The following DPP10 variants were observed in gnomAD, a reference collection of about 807,000 sequenced individuals.
DPP10 encodes inactive dipeptidyl peptidase 10.
DPP10 carries 33 observed loss-of-function variants against 120.9 expected under a neutral mutation model. The observed-to-expected ratio is 0.27, with a 90% confidence interval of 0.21 to 0.37. The LOEUF (loss-of-function observed/expected upper bound fraction) is 0.37, where lower values mean the gene tolerates loss of function less well. Ranked by LOEUF, DPP10 falls within the 10% of genes least tolerant of loss-of-function variation. DPP10 has a pLI of 1.00. For missense variants in DPP10, 816 were observed against 942.8 expected (o/e 0.87, Z 1.76); for synonymous variants, 337 against 326.1 (o/e 1.03, Z -0.36).
At position 114,532,256 on chromosome 2, in the gene DPP10, CATATATATATATAT is replaced by C. The variant is rs66716319; in HGVS notation, c.60+89446_60+89459del. Among the ~76,000 whole-genome samples, 213 of 86,294 alleles carry C rather than the reference CATATATATATATAT, an allele frequency of 2.5e-3. 2 individuals are homozygous for C. Among genetic ancestry groups the C allele is most frequent in the Middle Eastern group, 0.011 (2 of 180 alleles). The allele number at this position is 86,294 out of a possible 152,430, so 56.6% of individuals were successfully genotyped here. A position where few individuals can be genotyped will look rare whatever the true frequency, so the allele number is the denominator to read the frequency against. On this transcript the variant is annotated intron_variant, in intron 1 of 25. Transcript: ENST00000410059. The stretch of plus-strand genomic sequence containing the variant: ...CGAGCCAATTCCCATAATAAATCTC[CATATATATATATAT>C]ATATATATATATATATATATATATA...
chr2:114,573,891 T>C (rs1393498905), intron 1 of DPP10, among the ~76,000 whole-genome samples: 2 of 152,158 alleles, frequency 1.3e-5, no homozygotes, highest in Non-Finnish European at 1.5e-5. Context: ...GCAAACAAAG[T>C]GGCTGAAAAC....
intron 3 of DPP10, among the ~76,000 whole-genome samples, chr2:115,402,854 A>AAAATATATATATAT (rs1476901026): frequency 2.0e-5 from 2 of 97,638 alleles, no homozygotes; most frequent in East Asian, 3.2e-4. Flanking sequence ...AAAAAAAAAA[A>AAAATATATATATAT]ATATATATAT....
chr2:114,961,451 G>A (rs904162997), intron 1 of DPP10, among the ~76,000 whole-genome samples: 3 of 64,096 alleles, frequency 4.7e-5, no homozygotes, highest in East Asian at 3.7e-4. Flanking sequence ...TTGAATGCGT[G>A]TGTGTGTGTG....
At chr2:115,375,127 C>T (rs2065692360) in intron 3 of DPP10, among the ~76,000 whole-genome samples, 1 of 152,138 alleles carries the variant, frequency 6.6e-6, no homozygotes, top group African/African-American at 2.4e-5. Flanking sequence ...GCTCTTTTTC[C>T]CTTTTAAACA....
In DPP10 at chr2:114,693,907, G is replaced by A. The variant is rs1699915796; in HGVS notation, c.60+251069G>A. 2.0e-5 allele frequency among the ~76,000 whole-genome samples: 3 copies of A among 151,858 alleles called. No individual in the cohort carries two copies. The South Asian group carries it at 6.2e-4, about 31-fold the overall frequency. The stretch of plus-strand genomic sequence containing the variant: ...GTATTTTAACAAAATTTAAAGGGAT[G>A]TACCACACTGTTTACAATTACTGTG... On this transcript the variant is annotated intron_variant, in intron 1 of 25. Coordinates refer to ENST00000410059, the MANE Select transcript of DPP10 (RefSeq NM_020868.6).
At chr2:115,304,705 T>A (rs533742187) in intron 1 of DPP10, among the ~76,000 whole-genome samples, 1 of 152,092 alleles carries the variant, frequency 6.6e-6, no homozygotes, top group South Asian at 2.1e-4. Flanking sequence ...AAACAAATTT[T>A]GGTATCCTTT....
chr2:115,552,953 T>C (rs986871385), intron 5 of DPP10, among the ~76,000 whole-genome samples: 7 of 152,108 alleles, frequency 4.6e-5, no homozygotes, highest in African/African-American at 1.2e-4. Flanking sequence ...TTTTGAGGTC[T>C]TAAGTTTGAA....
intron 1 of DPP10, among the ~76,000 whole-genome samples, chr2:114,850,805 C>T (rs192118818): frequency 3.5e-4 from 53 of 152,256 alleles, no homozygotes; most frequent in African/African-American, 1.3e-3. Context: ...ATACCCCAGA[C>T]ACTTTATATT....
chr2:115,095,172 C>G (rs926795553), intron 1 of DPP10, among the ~76,000 whole-genome samples: 5 of 152,116 alleles, frequency 3.3e-5, no homozygotes, highest in Non-Finnish European at 5.9e-5. Flanking sequence ...TTTTATTATG[C>G]CTTTGTCTCT....
At chr2:115,009,599 AG>A (rs1702114281) in intron 1 of DPP10, among the ~76,000 whole-genome samples, 1 of 151,508 alleles carries the variant, frequency 6.6e-6, no homozygotes, top group African/African-American at 2.4e-5. Context: ...AAAAAAAAAA[AG>A]AAAAGACAAA....
At chr2:115,668,938 A>G (rs2089665537) in intron 5 of DPP10, among the ~76,000 whole-genome samples, 3 of 152,172 alleles carry the variant, frequency 2.0e-5, no homozygotes, top group African/African-American at 7.2e-5. Flanking sequence ...TTTTATCAGT[A>G]TAAACTTATT....
intron 5 of DPP10, among the ~76,000 whole-genome samples, chr2:115,544,864 T>C (rs560552636): frequency 6.6e-6 from 1 of 152,150 alleles, no homozygotes; most frequent in South Asian, 2.1e-4. Flanking sequence ...TCCTTTTGCT[T>C]TATTTTGGTT....
intron 19 of DPP10, among the ~76,000 whole-genome samples, chr2:115,797,955 G>GCA (rs1553512105): frequency 2.0e-5 from 3 of 149,602 alleles, no homozygotes; most frequent in Non-Finnish European, 3.0e-5. Context: ...GTGTGTGTGT[G>GCA]TATATATATA....
At chr2:115,294,469 T>G (rs2060795826) in intron 1 of DPP10, among the ~76,000 whole-genome samples, 1 of 152,068 alleles carries the variant, frequency 6.6e-6, no homozygotes, top group South Asian at 2.1e-4. Flanking sequence ...AATTTACATC[T>G]AGAAGTACTG....
chr2:115,566,775 A>G (rs1469752809), intron 5 of DPP10, among the ~76,000 whole-genome samples: 10 of 152,322 alleles, frequency 6.6e-5, no homozygotes, highest in African/African-American at 2.2e-4. Flanking sequence ...TGACGTGTAC[A>G]TACATTTTCA....
chr2:115,817,668 G>A (rs116166428), intron 21 of DPP10, among the ~76,000 whole-genome samples: 1,955 of 130,976 alleles, frequency 0.015, 45 homozygotes, highest in African/African-American at 0.043. Flanking sequence ...AGTAGTAAAG[G>A]TTAGTTTTTT....
At chr2:115,503,486 G>A (rs565175938) in intron 4 of DPP10, among the ~76,000 whole-genome samples, 8 of 152,256 alleles carry the variant, frequency 5.3e-5, no homozygotes, top group African/African-American at 1.9e-4. Context: ...CACAGATAAA[G>A]AATTACTGAA....
chr2:114,748,665 G>T (rs1678882479), intron 1 of DPP10, among the ~76,000 whole-genome samples: 1 of 66,916 alleles, frequency 1.5e-5, no homozygotes, highest in Non-Finnish European at 2.7e-5. Context: ...TTGGTTTTTT[G>T]TTCTTGCGAT....
chr2:115,720,655 A>G (rs766461434), intron 7 of DPP10, among the ~76,000 whole-genome samples: 3 of 152,136 alleles, frequency 2.0e-5, no homozygotes, highest in South Asian at 2.1e-4. Context: ...GGAGGTTTCT[A>G]TGTGAAATAG....
Sources: allele counts gnomAD v4.1 joint callset (sites outside exome capture counted in the v4.1 genomes callset), GRCh38; gene constraint gnomAD v4.1.1; transcripts MANE v1.5; gene names NCBI Gene and HGNC (gene_info 2026-07-23, HGNC 2026-07-21).